Variants in RBFOX3 observed in about 807,000 individuals in gnomAD.
RBFOX3 encodes RNA binding fox-1 homolog 3, also known as RNA binding protein fox-1 homolog 3.
A neutral mutation model predicts 48.7 loss-of-function variants in RBFOX3; 17 were observed. That is an observed-to-expected ratio of 0.35 (90% confidence interval 0.24 to 0.52). The LOEUF is 0.52. Among genes scored for constraint, RBFOX3 ranks in the 20% least tolerant of loss-of-function variants. The pLI, the probability that RBFOX3 is intolerant of heterozygous loss-of-function variation, is 0.94. For synonymous variants in RBFOX3, 212 were observed against 209.5 expected, an observed-to-expected ratio of 1.01 and a Z score of -0.10; for missense variants, 382 against 497.5, an observed-to-expected ratio of 0.77 and a Z score of 2.21.
At chr17:79,605,631 G>T (rs1297163748) in intron 1 of RBFOX3, among the ~76,000 whole-genome samples, 1 of 152,230 alleles carries the variant, frequency 6.6e-6, no homozygotes, top group Non-Finnish European at 1.5e-5. Flanking sequence ...CAGCACAGCC[G>T]CTAACCAAAG....
chr17:79,354,321 T>G (rs772133478), intron 2 of RBFOX3, among the ~76,000 whole-genome samples: 1 of 152,142 alleles, frequency 6.6e-6, no homozygotes, highest in Non-Finnish European at 1.5e-5. Context: ...TGGGGCCACA[T>G]CAGTTCTACT....
At chr17:79,484,662 C>A (rs1291610343) in intron 1 of RBFOX3, among the ~76,000 whole-genome samples, 2 of 152,030 alleles carry the variant, frequency 1.3e-5, no homozygotes, top group Non-Finnish European at 2.9e-5. Context: ...GGAAGGGGCT[C>A]CAGGAAGGGG....
intron 2 of RBFOX3, among the ~76,000 whole-genome samples, chr17:79,411,512 T>A (rs2064335607): frequency 6.6e-6 from 1 of 152,004 alleles, no homozygotes; most frequent in African/African-American, 2.4e-5. Context: ...CCCCTCCAGG[T>A]CTCCATCAGT....
intron 3 of RBFOX3, among the ~76,000 whole-genome samples, chr17:79,305,204 A>G (rs926372999): frequency 4.0e-5 from 6 of 151,632 alleles, no homozygotes; most frequent in South Asian, 4.1e-4. Flanking sequence ...GAGCCACTAA[A>G]GGGTTCTTGC....
chr17:79,217,643 G>A (rs537348265), intron 4 of RBFOX3, among the ~76,000 whole-genome samples: 54 of 152,172 alleles, frequency 3.5e-4, no homozygotes, highest in African/African-American at 1.3e-3. Context: ...CTGGCTGTGG[G>A]GTGCTCAGGG....
chr17:79,183,960 C>T (rs1451904160), intron 4 of RBFOX3, among the ~76,000 whole-genome samples: 4 of 152,362 alleles, frequency 2.6e-5, no homozygotes, highest in Non-Finnish European at 2.9e-5. Context: ...TGGAATCTCC[C>T]TTTGCCCCCG....
At chr17:79,470,612 G>GTGTGCT (rs1682693713) in intron 2 of RBFOX3, among the ~76,000 whole-genome samples, 2 of 152,196 alleles carry the variant, frequency 1.3e-5, no homozygotes, top group East Asian at 3.9e-4. Context: ...GCCCCCAAGG[G>GTGTGCT]TGTGCAGAGG....
chr17:79,169,721 G>A (rs1015796316), intron 4 of RBFOX3, among the ~76,000 whole-genome samples: 1 of 152,226 alleles, frequency 6.6e-6, no homozygotes, highest in African/African-American at 2.4e-5. Flanking sequence ...AGGCTGGGTG[G>A]GGAGAACGGG....
chr17:79,461,515 A>G (rs2075364322), intron 2 of RBFOX3, among the ~76,000 whole-genome samples: 1 of 152,176 alleles, frequency 6.6e-6, no homozygotes, highest in African/African-American at 2.4e-5. Flanking sequence ...ATTATAGACT[A>G]CATCTTATCC....
chr17:79,161,613 T>C (rs1280200412), intron 4 of RBFOX3, among the ~76,000 whole-genome samples: 1 of 152,212 alleles, frequency 6.6e-6, no homozygotes, highest in Non-Finnish European at 1.5e-5. Context: ...TGTGTTTTTT[T>C]GAGACAGGGT....
At chr17:79,306,574 G>A (rs1192286244) in intron 3 of RBFOX3, among the ~76,000 whole-genome samples, 5 of 152,210 alleles carry the variant, frequency 3.3e-5, no homozygotes, top group Admixed American at 1.3e-4. Flanking sequence ...GAGGATGAGG[G>A]TGGGGTCTTC....
rs146006792 is a variant in RBFOX3, at chr17:79,154,290, G to A, written c.-33-38542C>T. Among the ~76,000 whole-genome samples, 180 of 152,278 alleles carry A rather than the reference G, an allele frequency of 1.2e-3. 1 individual carries two copies. Among genetic ancestry groups the A allele is most frequent in the African/African-American group, 4.3e-3 (178 of 41,554 alleles). On this transcript the variant is annotated intron_variant, in intron 4 of 14. Coordinates refer to ENST00000693108, the MANE Select transcript of RBFOX3 (RefSeq NM_001350451.2). ...CTTGCCCAGCTCCTTCTGTTTCAAA[G>A]CTGCCCCTTCAGAGATGTCCTCCCT... is the stretch of plus-strand genomic sequence containing the variant.
intron 5 of RBFOX3, among the ~76,000 whole-genome samples, chr17:79,109,194 GC>G (rs535819415): frequency 2.2e-4 from 33 of 152,332 alleles, no homozygotes; most frequent in African/African-American, 7.5e-4. Flanking sequence ...GAGGGCATGA[GC>G]CCCCAGGCTT....
intron 2 of RBFOX3, among the ~76,000 whole-genome samples, chr17:79,434,433 G>C (rs944109482): frequency 2.0e-5 from 3 of 152,186 alleles, no homozygotes; most frequent in Non-Finnish European, 4.4e-5. Context: ...AAGACCCAGA[G>C]AACCCATGCC....
chr17:79,606,137 G>C (rs1000364229), intron 1 of RBFOX3, among the ~76,000 whole-genome samples: 30 of 152,324 alleles, frequency 2.0e-4, no homozygotes, highest in Non-Finnish European at 3.8e-4. Context: ...CAAGCTGCTG[G>C]TCTGTCTAGA....
intron 5 of RBFOX3, 64 bp from the exon 6 acceptor site, chr17:79,106,852 T>C: frequency 2.1e-6 from 3 of 1,459,698 alleles, no homozygotes; most frequent in Non-Finnish European, 2.7e-6. Context: ...TCCCCTCTGC[T>C]AAAGGGTCGG....
intron 2 of RBFOX3, among the ~76,000 whole-genome samples, chr17:79,314,716 T>C (rs117798951): frequency 0.016 from 2,499 of 152,290 alleles, 31 homozygotes; most frequent in Non-Finnish European, 0.024. Flanking sequence ...GAAGAGGCCA[T>C]GCATGTGCAT....
In RBFOX3 at chr17:79,535,508, C is replaced by CCCCTGTTACCCCTGTTA. The variant is rs1568388049; in HGVS notation, c.-319-52911_-319-52910insTAACAGGGGTAACAGGG. 1.3e-5 allele frequency among the ~76,000 whole-genome samples: 2 copies of CCCCTGTTACCCCTGTTA among 152,146 alleles called. No individual in the cohort carries two copies. The highest frequency in any genetic ancestry group is 4.8e-5 in the African/African-American group (2 of 41,432). On this transcript the variant is annotated intron_variant, in intron 1 of 14. Transcript: ENST00000693108. The surrounding 1 kb of genome is among the most constrained non-coding windows in gnomAD (Gnocchi z 4.5). The stretch of plus-strand genomic sequence containing the variant: ...TCTCCCCTGTTACCCAAGTGAGTCA[C>CCCCTGTTACCCCTGTTA]CCCAAACGAATGAGGCCCTCAGATG...
At chr17:79,162,527 T>A (rs1318761434) in intron 4 of RBFOX3, among the ~76,000 whole-genome samples, 2 of 152,236 alleles carry the variant, frequency 1.3e-5, no homozygotes, top group Non-Finnish European at 2.9e-5. Flanking sequence ...TAATTTTTCC[T>A]CTAATTACAT....
Sources: allele counts gnomAD v4.1 joint callset (sites outside exome capture counted in the v4.1 genomes callset), GRCh38; gene constraint gnomAD v4.1.1; non-coding constraint Gnocchi (gnomAD v3.1); transcripts MANE v1.5; gene names NCBI Gene and HGNC (gene_info 2026-07-23, HGNC 2026-07-21).